The following SOX6 variants were observed in gnomAD, a reference collection of about 807,000 sequenced individuals.
The protein encoded by SOX6 is SRY-box transcription factor 6, also known as transcription factor SOX-6.
Under a neutral mutation model 97.8 loss-of-function variants are expected in SOX6, and 11 were observed. That is an observed-to-expected ratio of 0.11 (90% CI 0.07 to 0.19). The LOEUF (loss-of-function observed/expected upper bound fraction) is 0.19. SOX6 is among the 10% of genes least tolerant of loss of function. The probability of loss-of-function intolerance (pLI) is 1.00; values close to 1 mark genes in which losing one functional copy is unlikely to be tolerated. For missense variants in SOX6, 810 were observed against 1,039.5 expected, an observed-to-expected ratio of 0.78 and a Z score of 3.04; for synonymous variants, 360 against 371.4, an observed-to-expected ratio of 0.97 and a Z score of 0.35.
chr11:16,132,457 A>G (rs1414104251), intron 6 of SOX6, among the ~76,000 whole-genome samples: 4 of 127,106 alleles, frequency 3.1e-5, no homozygotes, highest in Non-Finnish European at 5.0e-5. Context: ...AGAAAGAAAG[A>G]AAGAAAGAAA....
intron 4 of SOX6, among the ~76,000 whole-genome samples, chr11:16,550,740 G>A (rs1001767799): frequency 6.6e-6 from 1 of 152,048 alleles, no homozygotes; most frequent in Non-Finnish European, 1.5e-5. Context: ...TGCATCTATG[G>A]TTCTTACTCT....
chr11:16,646,471 G>C (rs1238579456), intron 3 of SOX6, among the ~76,000 whole-genome samples: 1 of 142,348 alleles, frequency 7.0e-6, no homozygotes, highest in Non-Finnish European at 1.5e-5. Context: ...TATTTTCTTT[G>C]TTTTTTTTTT....
At chr11:16,169,669 A>C (rs1430511725) in intron 6 of SOX6, among the ~76,000 whole-genome samples, 27 of 152,104 alleles carry the variant, frequency 1.8e-4, no homozygotes, top group Admixed American at 1.8e-3. Flanking sequence ...TATTTTAAGC[A>C]ATTACTGTCT....
intron 3 of SOX6, among the ~76,000 whole-genome samples, chr11:16,238,632 A>G (rs1335716873): frequency 6.6e-6 from 1 of 152,130 alleles, no homozygotes; most frequent in African/African-American, 2.4e-5. Context: ...TTTCAGATAG[A>G]TCAAAAATAA....
chr11:16,095,007 C>T (rs7933131), intron 9 of SOX6, among the ~76,000 whole-genome samples: 3,664 of 151,934 alleles, frequency 0.024, 150 homozygotes, highest in African/African-American at 0.083. Context: ...CTTTCATTGA[C>T]TACATAGTGT....
At chr11:16,094,729 G>T (rs1302984808) in intron 9 of SOX6, among the ~76,000 whole-genome samples, 1 of 151,838 alleles carries the variant, frequency 6.6e-6, no homozygotes, top group East Asian at 1.9e-4. Flanking sequence ...CCAAAAGAAA[G>T]CCTTAGAAAT....
In SOX6 at chr11:16,462,825, G is replaced by T. The variant is rs545965649; in HGVS notation, c.-5+13490C>A. On this transcript the variant is annotated intron_variant, in intron 1 of 15. Transcript: ENST00000396356. ...TCCATTACTGAAAGTCAACTTAGCAGCCCAAGGACCAGATTAAGGGTCAGT... is the reference window on the plus strand; with the variant it reads ...TCCATTACTGAAAGTCAACTTAGCATCCCAAGGACCAGATTAAGGGTCAGT... Among the ~76,000 whole-genome samples the T allele has an allele frequency of 5.3e-5, 8 of 152,298 alleles. No homozygotes were observed. The South Asian group carries it at 6.2e-4, about 12-fold the overall frequency.
intron 1 of SOX6, among the ~76,000 whole-genome samples, chr11:16,452,781 C>T (rs1000946236): frequency 2.0e-5 from 3 of 152,100 alleles, no homozygotes; most frequent in Non-Finnish European, 4.4e-5. Flanking sequence ...TAACTGTTAG[C>T]TCAGTGTAAA....
intron 1 of SOX6, among the ~76,000 whole-genome samples, chr11:16,471,762 T>C (rs1242347471): frequency 6.6e-6 from 1 of 152,198 alleles, no homozygotes; most frequent in Non-Finnish European, 1.5e-5. Context: ...TCCGGCTATA[T>C]TTCTTTAACC....
intron 3 of SOX6, among the ~76,000 whole-genome samples, chr11:16,248,624 G>A (rs1489292954): frequency 6.6e-6 from 1 of 152,232 alleles, no homozygotes; most frequent in Non-Finnish European, 1.5e-5. Context: ...AGCCACAGCA[G>A]GAGCTGAAGC....
chr11:16,440,463 A>G (rs1859482662), intron 1 of SOX6, among the ~76,000 whole-genome samples: 1 of 152,180 alleles, frequency 6.6e-6, no homozygotes, highest in Admixed American at 6.5e-5. Context: ...GCAATGAGTG[A>G]AGCCAAGGGA....
chr11:16,506,467 G>A (rs562798200), intron 4 of SOX6, among the ~76,000 whole-genome samples: 1 of 152,290 alleles, frequency 6.6e-6, no homozygotes, highest in Non-Finnish European at 1.5e-5. Context: ...AGGTGGAAGG[G>A]ACTTGCCTTG....
chr11:16,073,357 A>C (rs2133945035), intron 9 of SOX6, among the ~76,000 whole-genome samples: 1 of 152,348 alleles, frequency 6.6e-6, no homozygotes, highest in African/African-American at 2.4e-5. Flanking sequence ...AAAGGAAGGC[A>C]TTACATAATG....
intron 3 of SOX6, among the ~76,000 whole-genome samples, chr11:16,663,313 G>A (rs1358390743): frequency 6.6e-6 from 1 of 152,036 alleles, no homozygotes; most frequent in East Asian, 1.9e-4. Flanking sequence ...TTTTTAATAT[G>A]TAAGGCTATA....
At chr11:16,236,519 T>C (rs2134178753) in intron 3 of SOX6, among the ~76,000 whole-genome samples, 2 of 152,164 alleles carry the variant, frequency 1.3e-5, no homozygotes, top group Non-Finnish European at 2.9e-5. Context: ...TTCTGTTTTT[T>C]TTAGCCTTTC....
chr11:16,433,315 T>A (rs552733616), intron 1 of SOX6, among the ~76,000 whole-genome samples: 7 of 151,924 alleles, frequency 4.6e-5, no homozygotes, highest in Non-Finnish European at 7.4e-5. Context: ...AAAGACAGAG[T>A]GAACACTGAC....
intron 3 of SOX6, chr11:16,314,797 T>A (rs192904262): frequency 1.3e-5 from 2 of 152,354 alleles, no homozygotes; most frequent in East Asian, 3.9e-4. Context: ...CTTGGAGATA[T>A]CTCAAAATAT....
At chr11:16,159,496 T>C (rs930372131) in intron 6 of SOX6, among the ~76,000 whole-genome samples, 1 of 152,080 alleles carries the variant, frequency 6.6e-6, no homozygotes, top group African/African-American at 2.4e-5. Context: ...AGTAGGTAAT[T>C]TGACAGAGAA....
At chr11:16,197,937 TA>T (rs1326239983) in intron 4 of SOX6, among the ~76,000 whole-genome samples, 5 of 152,226 alleles carry the variant, frequency 3.3e-5, no homozygotes, top group Admixed American at 2.6e-4. Flanking sequence ...GTTCAACCTA[TA>T]AAAAATAATT....
Sources: allele counts gnomAD v4.1 joint callset (sites outside exome capture counted in the v4.1 genomes callset), GRCh38; gene constraint gnomAD v4.1.1; transcripts MANE v1.5; gene names NCBI Gene and HGNC (gene_info 2026-07-23, HGNC 2026-07-21).